Variants in CFAP74 observed in about 807,000 individuals in gnomAD.
CFAP74 encodes the protein cilia and flagella associated protein 74, also known as cilia- and flagella-associated protein 74.
CFAP74 carries 124 observed loss-of-function variants against 188.9 expected under a neutral mutation model. The observed-to-expected ratio is 0.66, with a 90% confidence interval of 0.57 to 0.76. CFAP74 has a LOEUF of 0.76. Ranked by LOEUF, CFAP74 falls within the 30% of genes least tolerant of loss-of-function variation. The pLI is 0.00. For missense variants in CFAP74, 2,198 were observed against 2,165.2 expected (o/e 1.02, Z -0.30); for synonymous variants, 956 against 916.7 (o/e 1.04, Z -0.77).
At position 1,955,185 on chromosome 1, in the gene CFAP74, G is replaced by C. The variant is rs542386725; in HGVS notation, c.2176+506C>G. On this transcript the variant is annotated intron_variant, in intron 18 of 38. Coordinates refer to ENST00000682832, the MANE Select transcript of CFAP74 (RefSeq NM_001304360.2). Reference sequence around the variant, plus strand: ...GACAGGAGGAGGACGGAGGTTTCTGGATCTCGATGCGTATGTGGGAAAACG... The same window carrying C: ...GACAGGAGGAGGACGGAGGTTTCTGCATCTCGATGCGTATGTGGGAAAACG... 9.3e-6 allele frequency: 12 copies of C among 1,288,606 alleles called. No homozygotes were observed. The South Asian group carries it at 1.5e-4, about 16-fold the overall frequency. 79.8% of individuals were successfully genotyped at this position (1,288,606 alleles called of 1,614,324 possible).
In CFAP74 at chr1:1,926,229, A is replaced by G. The variant is rs1212744013; in HGVS notation, c.3947T>C (p.Leu1316Pro). The G allele has an allele frequency of 6.6e-7, 1 of 1,505,714 alleles. No individual in the cohort carries two copies. The highest frequency in any genetic ancestry group is 8.9e-7 in the Non-Finnish European group (1 of 1,123,518). The allele number at this position is 1,505,714 out of a possible 1,614,324, so 93.3% of individuals were successfully genotyped here. The change falls in exon 32 of 39, where the codon CTG becomes CCG. Residue 1316 changes from leucine (L) to proline (P), a missense_variant and splice_region_variant. Transcript: ENST00000682832. ...GGCCAGGGTGGGCCTGGGACTCACC[A>G]GGATGCTCTCGTGGGGAGAGAAGGA... ...VLSFSPHESILAQETLDIITK... is the reference protein window; with the variant it reads ...VLSFSPHESIPAQETLDIITK...
At chr1:1,949,638 C>T (rs1016467680) in intron 18 of CFAP74, among the ~76,000 whole-genome samples, 13 of 152,190 alleles carry the variant, frequency 8.5e-5, no homozygotes, top group Admixed American at 6.5e-4. Flanking sequence ...ACCGTGCCCA[C>T]GTCGCCCATG....
chr1:1,947,100 G>A, intron 18 of CFAP74, 46 bp from the exon 19 acceptor site: 1 of 1,416,152 alleles, frequency 7.1e-7, no homozygotes, highest in Non-Finnish European at 9.6e-7. Context: ...CAGGGTGGAG[G>A]CAGTGTGGCC....
At chr1:1,939,371 A>T (rs1653197638) in intron 24 of CFAP74, among the ~76,000 whole-genome samples, 1 of 152,186 alleles carries the variant, frequency 6.6e-6, no homozygotes, top group Non-Finnish European at 1.5e-5. Context: ...GGGGAGAGGG[A>T]TCTGGAGCGC....
rs1478308636 is a variant in CFAP74 at position 2,003,779 on chromosome 1, T to G, written c.-98A>C. The G allele has an allele frequency of 6.6e-6, 1 of 152,652 alleles. No individual in the cohort carries two copies. Among genetic ancestry groups the G allele is most frequent in the East Asian group, 1.9e-4 (1 of 5,192 alleles). 9.5% of individuals were successfully genotyped at this position (152,652 alleles called of 1,614,324 possible). A position where few individuals can be genotyped will look rare whatever the true frequency, so the allele number is the denominator to read the frequency against. On this transcript the variant is annotated 5_prime_UTR_variant, in exon 1 of 39. Coordinates refer to ENST00000682832, the MANE Select transcript of CFAP74 (RefSeq NM_001304360.2). ...GGCTGCTCAGGCAGGCGGCGGTCCTTGGCGATTGCCCTCCGCGGCGCCGGC... is the reference window on the plus strand; with the variant it reads ...GGCTGCTCAGGCAGGCGGCGGTCCTGGGCGATTGCCCTCCGCGGCGCCGGC...
At chr1:1,957,561 C>A (rs1193056230) in intron 16 of CFAP74, among the ~76,000 whole-genome samples, 1 of 152,162 alleles carries the variant, frequency 6.6e-6, no homozygotes, top group East Asian at 1.9e-4. Context: ...CTCAGGGGAG[C>A]CGAGGGTCTC....
rs528713373 is a variant in CFAP74 at position 1,927,025 on chromosome 1, G to C, written c.3531C>G (p.Ser1177=). The change falls in exon 29 of 39, where the codon TCC becomes TCG. Residue 1177 remains serine, a synonymous_variant. Coordinates refer to ENST00000682832, the MANE Select transcript of CFAP74 (RefSeq NM_001304360.2). ...TGGCTCGGGCGGCCTGGTACTCGTC[G>C]GAACTAGAAGGAAGTCAGAGGCTTG... The part of the protein sequence containing the change: ...EMRKRELRPS[S]DEYQAARATL... 1.9e-6 allele frequency: 3 copies of C among 1,550,154 alleles called. No homozygotes were observed. The highest frequency in any genetic ancestry group is 4.9e-5 in the East Asian group (2 of 40,910).
chr1:1,929,653 C>G (rs1389955752), intron 26 of CFAP74, among the ~76,000 whole-genome samples: 1 of 151,922 alleles, frequency 6.6e-6, no homozygotes, highest in African/African-American at 2.4e-5. Flanking sequence ...GCTTTCTGCT[C>G]TGCAGGAAAG....
At chr1:2,002,289 T>C (rs1485152797) in intron 1 of CFAP74, among the ~76,000 whole-genome samples, 4 of 151,974 alleles carry the variant, frequency 2.6e-5, no homozygotes, top group Non-Finnish European at 5.9e-5. Context: ...TGGTATTACA[T>C]AAAGTTTATA....
intron 18 of CFAP74, among the ~76,000 whole-genome samples, chr1:1,947,487 T>A (rs77769952): frequency 0.017 from 2,545 of 152,352 alleles, 73 homozygotes; most frequent in African/African-American, 0.057. Flanking sequence ...ATCACTTCCC[T>A]GTGGCAGGCT....
At chr1:1,969,161 T>C (rs186805824) in intron 10 of CFAP74, among the ~76,000 whole-genome samples, 16 of 132,914 alleles carry the variant, frequency 1.2e-4, no homozygotes, top group African/African-American at 4.6e-4. Context: ...CCAAGCCCAG[T>C]CCTGCTCAGT....
At chr1:1,977,720 T>A (rs989274911) in intron 6 of CFAP74, among the ~76,000 whole-genome samples, 9 of 152,108 alleles carry the variant, frequency 5.9e-5, no homozygotes, top group African/African-American at 1.7e-4. Flanking sequence ...GCGGCTCCCA[T>A]CACAAACTCA....
At chr1:1,972,856 TA>T (rs1409597694) in intron 8 of CFAP74, 80 bp downstream of exon 8, 23 of 934,120 alleles carry the variant, frequency 2.5e-5, no homozygotes, top group Non-Finnish European at 3.9e-5. Flanking sequence ...AAATAAATAA[TA>T]AAATCAGGGC....
intron 18 of CFAP74, among the ~76,000 whole-genome samples, chr1:1,952,465 T>G (rs1305078373): frequency 6.6e-6 from 1 of 151,856 alleles, no homozygotes; most frequent in East Asian, 1.9e-4. Flanking sequence ...ATAGATTAAA[T>G]GTTCTAAGAA....
At chr1:1,992,242 A>G (rs6675865) in intron 1 of CFAP74, among the ~76,000 whole-genome samples, 103,155 of 151,474 alleles carry the variant, frequency 0.68, 37,071 homozygotes, top group African/African-American at 0.93. Context: ...ACAGTTTACT[A>G]CAGCCTCAAA....
intron 6 of CFAP74, among the ~76,000 whole-genome samples, chr1:1,978,799 C>T (rs907631997): frequency 5.3e-5 from 8 of 152,228 alleles, no homozygotes; most frequent in East Asian, 1.9e-4. Flanking sequence ...CGATGGGATA[C>T]GGGTGCAGTC....
At chr1:1,989,959 C>T (rs1164954917) in intron 2 of CFAP74, among the ~76,000 whole-genome samples, 1 of 152,226 alleles carries the variant, frequency 6.6e-6, no homozygotes. Flanking sequence ...TCTCCTCACT[C>T]TCTTCCCATG....
chr1:1,949,658 A>G (rs1239847784), intron 18 of CFAP74, among the ~76,000 whole-genome samples: 1 of 152,114 alleles, frequency 6.6e-6, no homozygotes, highest in Non-Finnish European at 1.5e-5. Flanking sequence ...GCCCCTTTCT[A>G]GTCAACCCTT....
At chr1:1,922,901 G>A (rs1343896106) in intron 37 of CFAP74, 84 bp downstream of exon 37, 3 of 1,503,176 alleles carry the variant, frequency 2.0e-6, no homozygotes, top group East Asian at 4.5e-5. Flanking sequence ...CCAGTGAGGG[G>A]CAAGGCCAGG....
Sources: allele counts gnomAD v4.1 joint callset (sites outside exome capture counted in the v4.1 genomes callset), GRCh38; gene constraint gnomAD v4.1.1; transcripts MANE v1.5; gene names NCBI Gene and HGNC (gene_info 2026-07-23, HGNC 2026-07-21).